The following MED14 variants were observed in gnomAD, a reference collection of about 807,000 sequenced individuals.
The protein encoded by MED14 is mediator of RNA polymerase II transcription subunit 14.
Under a neutral mutation model 109.0 loss-of-function variants are expected in MED14, and 8 were observed. That is an observed-to-expected ratio of 0.07 (90% CI 0.04 to 0.13). The LOEUF (loss-of-function observed/expected upper bound fraction) is 0.13, where lower values mean the gene tolerates loss of function less well. Among genes scored for constraint, MED14 ranks in the 10% least tolerant of loss-of-function variants. The pLI, the probability that MED14 is intolerant of heterozygous loss-of-function variation, is 1.00. For missense variants in MED14, 711 were observed against 1,142.4 expected, an observed-to-expected ratio of 0.62 and a Z score of 5.44; for synonymous variants, 399 against 408.7, an observed-to-expected ratio of 0.98 and a Z score of 0.29.
At chrX:40,669,677 T>C (rs955405020) in intron 23 of MED14, among the ~76,000 whole-genome samples, 2 of 111,732 alleles carry the variant, frequency 1.8e-5, no homozygotes, top group Admixed American at 1.9e-4. Context: ...ACCCATACAA[T>C]AAAGGCCAAA....
At chrX:40,718,056 TAA>T (rs1240662465) in intron 3 of MED14, among the ~76,000 whole-genome samples, 2 of 112,063 alleles carry the variant, frequency 1.8e-5, no homozygotes, top group Non-Finnish European at 3.8e-5. Flanking sequence ...AGGCTTAGGT[TAA>T]GACACTTGCC....
chrX:40,715,782 T>G (rs376942935), intron 3 of MED14, among the ~76,000 whole-genome samples: 1 of 52,247 alleles, frequency 1.9e-5, no homozygotes, highest in Non-Finnish European at 3.1e-5. Context: ...CGAGACTCCG[T>G]CTCAAAAAAA....
At chrX:40,671,691 G>A (rs1261919944) in intron 23 of MED14, among the ~76,000 whole-genome samples, 170 bp downstream of exon 23, 1 of 111,988 alleles carries the variant, frequency 8.9e-6, no homozygotes, top group South Asian at 3.7e-4. Flanking sequence ...CCTGGACACA[G>A]ATTTCACAAA....
At chrX:40,726,550 TCTC>T (rs1931901217) in intron 3 of MED14, 193 bp downstream of exon 3, 2 of 365,151 alleles carry the variant, frequency 5.5e-6, no homozygotes. Context: ...TCTCCAGCTA[TCTC>T]CTCTTCTTTC....
chrX:40,701,184 G>C lies in MED14; in HGVS notation c.1471C>G (p.Pro491Ala). 1 of 1,204,685 alleles carries C rather than the reference G, an allele frequency of 8.3e-7. No homozygotes were observed. Among genetic ancestry groups the C allele is most frequent in the Admixed American group, 2.2e-5 (1 of 45,851 alleles). ...GCTTACTTAAGTTGCTGAATCCAGG[G>C]TATGATTCGTTTCATATCATCATTC... The part of the protein sequence containing the change: ...SVNDDMKRII[P>A]WIQQLKFWLG... The change falls in exon 12 of 31, where the codon CCC (proline) becomes GCC (alanine). Residue 491 changes from proline to alanine, a missense_variant. Physicochemically the swap from Pro to Ala is conservative, Grantham distance 27. Coordinates refer to ENST00000324817, the MANE Select transcript of MED14 (RefSeq NM_004229.4).
At chrX:40,687,771 C>T (rs1422199867) in intron 16 of MED14, among the ~76,000 whole-genome samples, 3 of 111,891 alleles carry the variant, frequency 2.7e-5, no homozygotes, top group Non-Finnish European at 3.8e-5. Context: ...CTCAGGGATA[C>T]CCTTCCTGAC....
rs10127014 is a variant in MED14, at chrX:40,692,741, G to A, written c.1812C>T (p.Thr604=). 4.5e-3 allele frequency: 5,471 copies of A among 1,207,152 alleles called. 108 individuals carry two copies. In the African/African-American group the frequency reaches 0.071, roughly 16 times the overall value. Reference sequence around the variant, plus strand: ...TGGCATTGGTTCTGGTCTGTTTCCCGGTTTTTGTACGAAAAACCAAGTCCT... The same window carrying A: ...TGGCATTGGTTCTGGTCTGTTTCCCAGTTTTTGTACGAAAAACCAAGTCCT... ...NIQDLVFRTK[T]GKQTRTNAKR... is the part of the protein sequence containing the mutation. Residue 604 remains threonine (T), a synonymous_variant, in exon 14 of 31, where the codon ACC becomes ACT. Coordinates refer to ENST00000324817, the MANE Select transcript of MED14 (RefSeq NM_004229.4).
At chrX:40,719,802 A>G (rs1279902865) in intron 3 of MED14, among the ~76,000 whole-genome samples, 1 of 112,228 alleles carries the variant, frequency 8.9e-6, no homozygotes, top group Non-Finnish European at 1.9e-5. Flanking sequence ...TATGTAAATT[A>G]TATCTCAGTA....
chrX:40,684,011 T>C (rs1021591731), intron 16 of MED14, among the ~76,000 whole-genome samples: 5 of 112,049 alleles, frequency 4.5e-5, no homozygotes, highest in Non-Finnish European at 9.4e-5. Flanking sequence ...GATTACTTAA[T>C]TATATATAAC....
chrX:40,705,750 TC>T (rs1602479961), intron 10 of MED14, among the ~76,000 whole-genome samples: 1 of 111,135 alleles, frequency 9.0e-6, no homozygotes, highest in African/African-American at 3.3e-5. Flanking sequence ...GCAACTAAGC[TC>T]AATTAGGAAT....
At position 40,735,345 on chromosome X, in the gene MED14, C is replaced by A; in HGVS notation, c.68G>T (p.Gly23Val). The A allele has an allele frequency of 9.4e-7, 1 of 1,068,516 alleles. No homozygotes were observed. The allele number at this position is 1,068,516 out of a possible 1,213,427, so 88.1% of individuals were successfully genotyped here. A position where few individuals can be genotyped will look rare whatever the true frequency, so the allele number is the denominator to read the frequency against. The change falls in exon 1 of 31, where the codon GGA (glycine) becomes GTA (valine). Residue 23 changes from glycine (G) to valine (V), a missense_variant. Physicochemically the swap from Gly to Val is moderately radical, Grantham distance 109. Transcript: ENST00000324817. ...AGGAGGGGCTGGGGCTGACGGGGGT[C>A]CGCCGCTGCCCCCGCCGCCGCCTCC... is the stretch of plus-strand genomic sequence containing the variant. The part of the protein sequence containing the change: ...PPGGGGGGSG[G>V]PPSAPAPPPP...
Position 40,715,795 on chromosome X carries a change from AAAAAAAAAAAAAAAAAAG to A in MED14, c.349-1103_349-1086del, listed in dbSNP as rs1931495853. 4.9e-5 allele frequency among the ~76,000 whole-genome samples: 5 copies of A among 102,301 alleles called. No individual in the cohort carries two copies. The South Asian group carries it at 1.7e-3, about 35-fold the overall frequency. 88.8% of individuals were successfully genotyped at this position (102,301 alleles called of 115,157 possible). Reference sequence around the variant, plus strand: ...AGCGAGACTCCGTCTCAAAAAAAAAAAAAAAAAAAAAAAAAAAGGACAGACAACAAAAGCAAAAATAAA... The same window carrying A: ...AGCGAGACTCCGTCTCAAAAAAAAAAGACAGACAACAAAAGCAAAAATAAA... On this transcript the variant is annotated intron_variant, in intron 3 of 30. Transcript: ENST00000324817.
chrX:40,695,441 A>T (rs1465413551), intron 13 of MED14, among the ~76,000 whole-genome samples: 1 of 112,409 alleles, frequency 8.9e-6, no homozygotes, highest in East Asian at 2.8e-4. Context: ...ATTACCCCTA[A>T]GTGATAAATC....
At chrX:40,695,379 C>T (rs768695069) in intron 13 of MED14, among the ~76,000 whole-genome samples, 16 of 112,181 alleles carry the variant, frequency 1.4e-4, no homozygotes, top group African/African-American at 4.8e-4. Flanking sequence ...CAAGACTTTC[C>T]TCTGTTCTTC....
intron 12 of MED14, among the ~76,000 whole-genome samples, chrX:40,697,814 T>A (rs1170667060): frequency 8.9e-6 from 1 of 111,883 alleles, no homozygotes; most frequent in African/African-American, 3.2e-5. Context: ...TGCCACAACA[T>A]CCCAGCTCAT....
chrX:40,695,369 C>A (rs1369585516), intron 13 of MED14, among the ~76,000 whole-genome samples: 1 of 112,174 alleles, frequency 8.9e-6, no homozygotes, highest in Non-Finnish European at 1.9e-5. Flanking sequence ...TCAACTGCAG[C>A]AAGACTTTCC....
chrX:40,711,061 G>A (rs1931321085), intron 8 of MED14, 108 bp downstream of exon 8: 7 of 915,142 alleles, frequency 7.6e-6, no homozygotes, highest in Non-Finnish European at 1.1e-5. Flanking sequence ...TCAAGCTTGT[G>A]TTGTCCAAGG....
intron 1 of MED14, among the ~76,000 whole-genome samples, chrX:40,729,875 T>C (rs1352507473): frequency 2.7e-5 from 3 of 112,481 alleles, no homozygotes; most frequent in African/African-American, 9.7e-5. Flanking sequence ...TTTATTGCTT[T>C]TAAACAGCTC....
chrX:40,682,019 AT>A (rs1930134031), intron 18 of MED14, 76 bp from the exon 19 acceptor site: 2 of 470,993 alleles, frequency 4.2e-6, no homozygotes, highest in South Asian at 1.1e-4. Flanking sequence ...GTAACAGGGC[AT>A]TTTGGCAATA....
Sources: allele counts gnomAD v4.1 joint callset (sites outside exome capture counted in the v4.1 genomes callset), GRCh38; gene constraint gnomAD v4.1.1; transcripts MANE v1.5; gene names NCBI Gene and HGNC (gene_info 2026-07-23, HGNC 2026-07-21).